C11orf65: variants seen among roughly 807,000 people sequenced by gnomAD.
The protein encoded by C11orf65 is chromosome 11 open reading frame 65.
C11orf65 carries 38 observed loss-of-function variants against 35.3 expected under a neutral mutation model. The observed-to-expected ratio is 1.08, with a 90% CI of 0.83 to 1.41. The LOEUF is 1.41. Ranked by LOEUF, C11orf65 falls within the 40% of genes most tolerant of loss-of-function variation. C11orf65 has a pLI of 0.00. For synonymous variants in C11orf65, 105 were observed against 114.4 expected (o/e 0.92, Z 0.53); for missense variants, 370 against 367.1 (o/e 1.01, Z -0.06).
intron 2 of C11orf65, among the ~76,000 whole-genome samples, chr11:108,376,073 T>G (rs1403171413): frequency 6.6e-6 from 1 of 152,062 alleles, no homozygotes; most frequent in Non-Finnish European, 1.5e-5. Context: ...ATTAGACAGA[T>G]CAACGAGACA....
intron 6 of C11orf65, chr11:108,310,095 A>G (rs1449768216): frequency 1.3e-6 from 2 of 1,537,094 alleles, no homozygotes; most frequent in Non-Finnish European, 8.9e-7. Flanking sequence ...TTCTATATCA[A>G]CATGCTTTTA....
downstream of C11orf65, among the ~76,000 whole-genome samples, chr11:108,329,710 C>G (rs979258217): frequency 2.0e-5 from 3 of 152,170 alleles, no homozygotes; most frequent in African/African-American, 4.8e-5. Context: ...TGTGCCCTGT[C>G]TGTCTTGGTC....
At chr11:108,387,148 C>CTTTTTTTTTTTTTTTT (rs1175890979) in intron 7 of C11orf65, among the ~76,000 whole-genome samples, 19 of 84,406 alleles carry the variant, frequency 2.3e-4, no homozygotes, top group Non-Finnish European at 2.3e-4. Context: ...TTCTTTCTTT[C>CTTTTTTTTTTTTTTTT]TTTTTTTTTT....
At chr11:108,462,931 G>A (rs1047858252) in intron 1 of C11orf65, among the ~76,000 whole-genome samples, 1 of 152,118 alleles carries the variant, frequency 6.6e-6, no homozygotes. Context: ...ACCAGCCTGG[G>A]CAATATAGCG....
intron 6 of C11orf65, among the ~76,000 whole-genome samples, chr11:108,394,120 C>A (rs914047400): frequency 7.1e-6 from 1 of 140,236 alleles, no homozygotes; most frequent in African/African-American, 2.6e-5. Context: ...GTGGAGGTTG[C>A]AGCGAGCCGA....
chr11:108,431,560 T>C (rs562941399), intron 3 of C11orf65, among the ~76,000 whole-genome samples, 186 bp downstream of exon 3: 35 of 152,326 alleles, frequency 2.3e-4, no homozygotes, highest in Admixed American at 2.0e-3. Context: ...GGGTGACGGT[T>C]ACATAGGTGT....
chr11:108,467,016 C>T (rs1325560112), intron 1 of C11orf65, among the ~76,000 whole-genome samples: 3 of 152,050 alleles, frequency 2.0e-5, no homozygotes, highest in African/African-American at 7.2e-5. Context: ...ACGCGTTTCC[C>T]TTTTCCATCT....
intron 6 of C11orf65, among the ~76,000 whole-genome samples, chr11:108,404,593 T>TC (rs889966099): frequency 3.3e-5 from 5 of 150,294 alleles, no homozygotes; most frequent in African/African-American, 1.2e-4. Flanking sequence ...TTTCTTTTTT[T>TC]TTTTTTTTGG....
rs1060501559 is a variant in C11orf65 at position 108,317,422 on chromosome 11, G to C, written c.641-8351C>G. On this transcript the variant is annotated intron_variant, in intron 6 of 6. Transcript: ENST00000525729. Reference sequence around the variant, plus strand: ...CATATTCTTTCCGTCTATTTAAAAGGATTGGATTATGAAAATAAAGACTGG... The same window carrying C: ...CATATTCTTTCCGTCTATTTAAAAGCATTGGATTATGAAAATAAAGACTGG... 4 of 1,612,182 alleles carry C rather than the reference G, an allele frequency of 2.5e-6. No homozygotes were observed. Among genetic ancestry groups the C allele is most frequent in the Non-Finnish European group, 2.5e-6 (3 of 1,179,168 alleles).
At chr11:108,460,525 G>A (rs749615456) in intron 2 of C11orf65, among the ~76,000 whole-genome samples, 24 of 152,128 alleles carry the variant, frequency 1.6e-4, no homozygotes, top group Non-Finnish European at 2.9e-4. Context: ...TTTAATGAGT[G>A]GCTATATTCC....
intron 1 of C11orf65, among the ~76,000 whole-genome samples, chr11:108,466,617 C>G (rs2093542031): frequency 6.6e-6 from 1 of 152,144 alleles, no homozygotes; most frequent in Non-Finnish European, 1.5e-5. Context: ...AATGTACTAT[C>G]AAACAACTGC....
At chr11:108,444,819 G>A (rs553748960) in intron 2 of C11orf65, among the ~76,000 whole-genome samples, 24 of 152,272 alleles carry the variant, frequency 1.6e-4, no homozygotes, top group Admixed American at 5.9e-4. Flanking sequence ...GCCTCACTCC[G>A]GCAGCGCAAG....
intron 6 of C11orf65, among the ~76,000 whole-genome samples, chr11:108,400,878 A>C (rs1421965995): frequency 6.6e-6 from 1 of 152,130 alleles, no homozygotes; most frequent in Admixed American, 6.5e-5. Flanking sequence ...AGGCCGAGGC[A>C]GGCAGATCAC....
rs544450656 is a variant in C11orf65, at chr11:108,434,629, C to T, written c.82-2791G>A. ...GCCAACACAGAGACTAACACTGAGC[C>T]CCTGGTATGGCATAATTCCTTGGGG... is the stretch of plus-strand genomic sequence containing the variant. On this transcript the variant is annotated intron_variant, in intron 2 of 8. Coordinates refer to ENST00000393084, the MANE Select transcript of C11orf65 (RefSeq NM_152587.5). Among the ~76,000 whole-genome samples, 7 of 152,066 alleles carry T rather than the reference C, an allele frequency of 4.6e-5. No individual in the cohort carries two copies. The South Asian group carries it at 1.3e-3, about 27-fold the overall frequency.
chr11:108,327,123 C>T (rs1314232665), downstream of C11orf65, among the ~76,000 whole-genome samples: 6 of 152,146 alleles, frequency 3.9e-5, no homozygotes, highest in African/African-American at 7.2e-5. Flanking sequence ...CCACCACGCC[C>T]GGCCTTTACT....
At chr11:108,396,052 A>G (rs1161637315) in intron 6 of C11orf65, among the ~76,000 whole-genome samples, 1 of 152,144 alleles carries the variant, frequency 6.6e-6, no homozygotes, top group Non-Finnish European at 1.5e-5. Flanking sequence ...AACAGTGAGA[A>G]GATACATCCT....
chr11:108,456,842 A>C (rs1448770428), intron 2 of C11orf65, among the ~76,000 whole-genome samples: 1 of 152,144 alleles, frequency 6.6e-6, no homozygotes, highest in Non-Finnish European at 1.5e-5. Flanking sequence ...CACAAATTGG[A>C]CTTTATTAAA....
intron 2 of C11orf65, among the ~76,000 whole-genome samples, chr11:108,336,760 G>A (rs537473558): frequency 1.3e-5 from 2 of 152,290 alleles, no homozygotes; most frequent in East Asian, 3.9e-4. Flanking sequence ...CAATGGGAGT[G>A]TACCCACTTA....
At chr11:108,400,239 C>A (rs564266546) in intron 6 of C11orf65, among the ~76,000 whole-genome samples, 2 of 152,336 alleles carry the variant, frequency 1.3e-5, no homozygotes, top group Admixed American at 1.3e-4. Flanking sequence ...GTACAAGGTA[C>A]AGTAACTTGT....
Sources: gnomAD v4.1 joint callset for allele counts (sites outside exome capture counted in the v4.1 genomes callset) on GRCh38, gnomAD v4.1.1 for gene constraint, MANE v1.5 for transcripts, NCBI Gene and HGNC (gene_info 2026-07-23, HGNC 2026-07-21) for gene names.